Variants in TRPC4AP observed in about 807,000 individuals in gnomAD.
TRPC4AP encodes transient receptor potential cation channel subfamily C member 4 associated protein.
In TRPC4AP, 45 loss-of-function variants were observed where a neutral mutation model predicts 99.0. The observed-to-expected ratio is 0.45, with a 90% CI of 0.36 to 0.58. The LOEUF (loss-of-function observed/expected upper bound fraction) is 0.58, where lower values mean the gene tolerates loss of function less well. TRPC4AP is among the 20% of genes least tolerant of loss of function. The pLI is 0.00. For synonymous variants in TRPC4AP, 408 were observed against 385.8 expected (o/e 1.06, Z -0.67); for missense variants, 879 against 985.3 (o/e 0.89, Z 1.44).
At chr20:35,073,115 A>C (rs2084368054) in intron 2 of TRPC4AP, among the ~76,000 whole-genome samples, 1 of 152,192 alleles carries the variant, frequency 6.6e-6, no homozygotes, top group Admixed American at 6.5e-5. Context: ...CGACTTTTGC[A>C]CATTGATTTT....
At chr20:35,038,640 T>A (rs947668028) in intron 7 of TRPC4AP, among the ~76,000 whole-genome samples, 7 of 152,146 alleles carry the variant, frequency 4.6e-5, no homozygotes, top group Non-Finnish European at 8.8e-5. Flanking sequence ...CCCCGTCCCA[T>A]GATTGGGCAT....
At chr20:35,024,692 G>A (rs903825819) in intron 8 of TRPC4AP, among the ~76,000 whole-genome samples, 4 of 151,580 alleles carry the variant, frequency 2.6e-5, no homozygotes, top group Non-Finnish European at 4.4e-5. Context: ...TTAGCTGGGC[G>A]TGGTGGTGTG....
At chr20:35,085,874 A>C (rs1321532758) in intron 1 of TRPC4AP, among the ~76,000 whole-genome samples, 2 of 152,172 alleles carry the variant, frequency 1.3e-5, no homozygotes, top group Admixed American at 1.3e-4. Flanking sequence ...AAAAATAACT[A>C]AAGGCTAAAT....
At chr20:35,045,790 T>C (rs1165096226) in intron 6 of TRPC4AP, among the ~76,000 whole-genome samples, 5 of 152,094 alleles carry the variant, frequency 3.3e-5, no homozygotes, top group Admixed American at 6.5e-5. Flanking sequence ...TCCATCCACC[T>C]TGGCCTCCCA....
At chr20:35,012,857 G>C in intron 11 of TRPC4AP, 151 bp downstream of exon 11, 1 of 722,234 alleles carries the variant, frequency 1.4e-6, no homozygotes, top group Non-Finnish European at 2.4e-6. Flanking sequence ...AGGTCCGACT[G>C]CAGTGTCACA....
At chr20:35,032,852 T>C (rs920775830) in intron 8 of TRPC4AP, among the ~76,000 whole-genome samples, 1 of 152,188 alleles carries the variant, frequency 6.6e-6, no homozygotes, top group African/African-American at 2.4e-5. Flanking sequence ...CTGCTTTTTC[T>C]TGTGTATAGG....
intron 9 of TRPC4AP, among the ~76,000 whole-genome samples, chr20:35,016,596 TA>T (rs1437282394): frequency 6.6e-6 from 1 of 151,938 alleles, no homozygotes; most frequent in Non-Finnish European, 1.5e-5. Flanking sequence ...ATACAATTAT[TA>T]AAAAACTCTA....
intron 2 of TRPC4AP, among the ~76,000 whole-genome samples, chr20:35,071,875 G>T (rs567628784): frequency 6.6e-6 from 1 of 150,480 alleles, no homozygotes; most frequent in African/African-American, 2.4e-5. Context: ...CTTCCACAAT[G>T]GTTGAACTAG....
intron 7 of TRPC4AP, among the ~76,000 whole-genome samples, chr20:35,041,447 C>T (rs2083444671): frequency 1.3e-5 from 2 of 151,886 alleles, no homozygotes; most frequent in South Asian, 4.2e-4. Context: ...GGCTTTATCC[C>T]AAAAGCTACA....
At chr20:35,051,033 T>TACACACACACACAC (rs34091819) in intron 5 of TRPC4AP, among the ~76,000 whole-genome samples, 9 of 144,886 alleles carry the variant, frequency 6.2e-5, no homozygotes, top group African/African-American at 1.3e-4. Flanking sequence ...TGCTATAGCT[T>TACACACACACACAC]ACACACACAC....
At chr20:35,051,121 A>G (rs987838708) in intron 5 of TRPC4AP, among the ~76,000 whole-genome samples, 1 of 152,054 alleles carries the variant, frequency 6.6e-6, no homozygotes, top group African/African-American at 2.4e-5. Flanking sequence ...AGTGACTTTA[A>G]TATTTCTTTT....
At chr20:35,005,631 A>G in intron 16 of TRPC4AP, 64 bp downstream of exon 16, 1 of 1,462,002 alleles carries the variant, frequency 6.8e-7, no homozygotes, top group Non-Finnish European at 9.6e-7. Context: ...TGCTGGAGAC[A>G]GGGTGTCTGA....
intron 8 of TRPC4AP, among the ~76,000 whole-genome samples, chr20:35,024,854 A>AAAAAT (rs1479270980): frequency 6.7e-5 from 6 of 89,478 alleles, no homozygotes; most frequent in African/African-American, 1.6e-4. Context: ...AAAAAAAAAA[A>AAAAAT]ATTCTGTTTA....
intron 3 of TRPC4AP, among the ~76,000 whole-genome samples, chr20:35,063,671 A>G (rs977539496): frequency 1.8e-4 from 27 of 152,124 alleles, no homozygotes; most frequent in African/African-American, 5.8e-4. Flanking sequence ...CTGCCTAAGG[A>G]ACAAAGCAAG....
At chr20:35,010,095 C>A in intron 12 of TRPC4AP, 92 bp downstream of exon 12, 2 of 975,848 alleles carry the variant, frequency 2.0e-6, no homozygotes, top group Non-Finnish European at 3.2e-6. Context: ...AGAGAGGACA[C>A]GCGTGCATAC....
intron 8 of TRPC4AP, among the ~76,000 whole-genome samples, chr20:35,024,825 C>CAAAAAAAAAA (rs778161091): frequency 5.6e-5 from 2 of 35,882 alleles, no homozygotes; most frequent in Admixed American, 4.0e-4. Flanking sequence ...GAGACCGTCT[C>CAAAAAAAAAA]AAAAAAAAAA....
intron 3 of TRPC4AP, among the ~76,000 whole-genome samples, chr20:35,059,728 G>C (rs2083933153): frequency 6.6e-6 from 1 of 151,410 alleles, no homozygotes; most frequent in East Asian, 1.9e-4. Context: ...AGAAGAAGAG[G>C]AAGAAGACTA....
chr20:35,088,985 C>G (rs2084963063), intron 1 of TRPC4AP, among the ~76,000 whole-genome samples: 1 of 151,546 alleles, frequency 6.6e-6, no homozygotes. Context: ...TGAAAAAGTT[C>G]TGGAAATCTG....
chr20:35,016,586 A>G (rs1378346858), intron 9 of TRPC4AP, among the ~76,000 whole-genome samples: 1 of 152,230 alleles, frequency 6.6e-6, no homozygotes. Flanking sequence ...TGAAAGTAAG[A>G]TACAATTATT....
Sources: gnomAD v4.1 joint callset for allele counts (sites outside exome capture counted in the v4.1 genomes callset) on GRCh38, gnomAD v4.1.1 for gene constraint, MANE v1.5 for transcripts, NCBI Gene and HGNC (gene_info 2026-07-23, HGNC 2026-07-21) for gene names.